The following RAMAC variants were observed in gnomAD, a reference collection of about 807,000 sequenced individuals.
The protein encoded by RAMAC is RNA guanine-N7 methyltransferase activating subunit.
RAMAC carries 11 observed loss-of-function variants against 17.9 expected under a neutral mutation model. That is an observed-to-expected ratio of 0.61 (90% CI 0.39 to 1.02). The LOEUF (loss-of-function observed/expected upper bound fraction) is 1.02. RAMAC is among the 50% of genes least tolerant of loss of function. The probability of loss-of-function intolerance (pLI) is 0.01; values close to 1 mark genes in which losing one functional copy is unlikely to be tolerated. For synonymous variants in RAMAC, 27 were observed against 48.4 expected (o/e 0.56, Z 1.84); for missense variants, 109 against 144.0 (o/e 0.76, Z 1.25).
chr15:82,989,856 G>A (rs774624347), intron 3 of RAMAC, 25 bp from the exon 4 acceptor site: 1 of 1,607,446 alleles, frequency 6.2e-7, no homozygotes, highest in Non-Finnish European at 8.5e-7. Context: ...GAAGTTTAAA[G>A]ATCTTTTTTG....
At chr15:82,986,916 A>C (rs2030640293) in intron 1 of RAMAC, among the ~76,000 whole-genome samples, 1 of 152,044 alleles carries the variant, frequency 6.6e-6, no homozygotes, top group South Asian at 2.1e-4. Context: ...GGAAGTCTTT[A>C]GAGCGTTTTT....
chr15:82,988,809 G>C, intron 2 of RAMAC: 2 of 510,116 alleles, frequency 3.9e-6, no homozygotes, highest in South Asian at 2.1e-5. Context: ...GCTCCAGCCT[G>C]GGTGACAAAG....
chr15:82,990,872 T>C lies in RAMAC; in HGVS notation c.*805T>C, dbSNP rs2151271686. ...TGGTTCTTACTTTTTTGGTATTTAA[T>C]GTGGGCTGATTTTACAATGTTATAT... On this transcript the variant is annotated 3_prime_UTR_variant, in exon 4 of 4. Transcript: ENST00000304191. The C allele has an allele frequency of 4.1e-6, 2 of 482,138 alleles. No homozygotes were observed. Among genetic ancestry groups the C allele is most frequent in the Middle Eastern group, 8.5e-4 (2 of 2,352 alleles). 29.9% of individuals were successfully genotyped at this position (482,138 alleles called of 1,614,324 possible). A position where few individuals can be genotyped will look rare whatever the true frequency, so the allele number is the denominator to read the frequency against.
rs768465912 is a variant in RAMAC, at chr15:82,990,063, A to G, written c.353A>G (p.Tyr118Cys). 30 of 1,373,810 alleles carry G rather than the reference A, an allele frequency of 2.2e-5. No homozygotes were observed. In the South Asian group the frequency reaches 3.6e-4, roughly 16 times the overall value. 85.1% of individuals were successfully genotyped at this position (1,373,810 alleles called of 1,614,324 possible). The change falls in exon 4 of 4, where the codon TAC (tyrosine) becomes TGC (cysteine). Residue 118 changes from tyrosine (Y) to cysteine (C), a missense_variant. By Grantham distance (194) the Tyr-to-Cys change is radical. Transcript: ENST00000304191. ...AACCAGCGGCCTCCTTACGGTTACTACTGATAGAAATGTTGGCAGCTTTTA... is the reference window on the plus strand; with the variant it reads ...AACCAGCGGCCTCCTTACGGTTACTGCTGATAGAAATGTTGGCAGCTTTTA... ...GYNQRPPYGY[Y>C]
chr15:82,989,323 G>C, intron 3 of RAMAC, 135 bp downstream of exon 3: 2 of 680,796 alleles, frequency 2.9e-6, no homozygotes, highest in Non-Finnish European at 4.5e-6. Flanking sequence ...ACAGTACCTG[G>C]TACATCATTT....
At position 82,990,379 on chromosome 15, in the gene RAMAC, A is replaced by G; in HGVS notation, c.*312A>G. On this transcript the variant is annotated 3_prime_UTR_variant, in exon 4 of 4. Coordinates refer to ENST00000304191, the MANE Select transcript of RAMAC (RefSeq NM_031452.4). ...TGTTTTACACAGAAATAAAAATTTT[A>G]AAATAGAAAATGCTTTTACTTTGTA... 1 of 324,494 alleles carries G rather than the reference A, an allele frequency of 3.1e-6. No individual in the cohort carries two copies. Among genetic ancestry groups the G allele is most frequent in the East Asian group, 4.2e-5 (1 of 23,900 alleles). 20.1% of individuals were successfully genotyped at this position (324,494 alleles called of 1,614,324 possible). A position where few individuals can be genotyped will look rare whatever the true frequency, so the allele number is the denominator to read the frequency against.
At position 82,986,238 on chromosome 15, in the gene RAMAC, G is replaced by C; in HGVS notation, c.-190G>C. On this transcript the variant is annotated 5_prime_UTR_variant, in exon 1 of 4. Transcript: ENST00000304191. The stretch of plus-strand genomic sequence containing the variant: ...TGGTTGTCGGATTTTAGAGGAAGGC[G>C]CTCGGTTACATTGGAGAACTGGAGT... 1 of 334,808 alleles carries C rather than the reference G, an allele frequency of 3.0e-6. No homozygotes were observed. Among genetic ancestry groups the C allele is most frequent in the Non-Finnish European group, 4.2e-6 (1 of 235,302 alleles). 20.7% of individuals were successfully genotyped at this position (334,808 alleles called of 1,614,324 possible).
chr15:82,988,481 A>G (rs1224410230), intron 2 of RAMAC: 2 of 201,358 alleles, frequency 9.9e-6, no homozygotes, highest in Non-Finnish European at 2.1e-5. Flanking sequence ...AGAAGTTATC[A>G]CAATAGCTTC....
At chr15:82,989,246 T>A in intron 3 of RAMAC, 58 bp downstream of exon 3, 2 of 1,569,954 alleles carry the variant, frequency 1.3e-6, no homozygotes, top group South Asian at 2.4e-5. Flanking sequence ...AGCTTTAATC[T>A]GCTAGACTGG....
At chr15:82,986,742 T>C (rs938129869) in intron 1 of RAMAC, among the ~76,000 whole-genome samples, 1 of 152,180 alleles carries the variant, frequency 6.6e-6, no homozygotes, top group African/African-American at 2.4e-5. Flanking sequence ...GTGAATAAAT[T>C]AGCAGTATTC....
chr15:82,990,559 CA>C lies in RAMAC; in HGVS notation c.*493del, dbSNP rs2030811269. On this transcript the variant is annotated 3_prime_UTR_variant, in exon 4 of 4. Transcript: ENST00000304191. ...AAACAATTGCTTTTTTTTTTTTTTG[CA>C]TTTGTTAAGTGACTATGGTACTTTG... 2 of 651,662 alleles carry C rather than the reference CA, an allele frequency of 3.1e-6. No individual in the cohort carries two copies. The highest frequency in any genetic ancestry group is 2.2e-6 in the Non-Finnish European group (1 of 452,296). The allele number at this position is 651,662 out of a possible 1,614,324, so 40.4% of individuals were successfully genotyped here.
rs1218779088 is a variant in RAMAC at position 82,990,719 on chromosome 15, G to A, written c.*652G>A. Reference sequence around the variant, plus strand: ...TGATCTGGTGGTGGTTGGGATAAGGGTACACATCATTTTATACAAACACTA... The same window carrying A: ...TGATCTGGTGGTGGTTGGGATAAGGATACACATCATTTTATACAAACACTA... On this transcript the variant is annotated 3_prime_UTR_variant, in exon 4 of 4. Coordinates refer to ENST00000304191, the MANE Select transcript of RAMAC (RefSeq NM_031452.4). The A allele has an allele frequency of 2.3e-6, 3 of 1,330,704 alleles. No individual in the cohort carries two copies. The allele number at this position is 1,330,704 out of a possible 1,614,324, so 82.4% of individuals were successfully genotyped here. A position where few individuals can be genotyped will look rare whatever the true frequency, so the allele number is the denominator to read the frequency against.
intron 2 of RAMAC, among the ~76,000 whole-genome samples, chr15:82,988,035 C>CAAAA (rs1293418063): frequency 1.5e-4 from 8 of 55,040 alleles, no homozygotes; most frequent in African/African-American, 4.9e-4. Flanking sequence ...AACTCCGTCT[C>CAAAA]AAAAAAAAAA....
At chr15:82,989,749 C>T in intron 3 of RAMAC, 132 bp from the exon 4 acceptor site, 1 of 1,159,006 alleles carries the variant, frequency 8.6e-7, no homozygotes, top group Non-Finnish European at 1.2e-6. Flanking sequence ...CTATAACATT[C>T]TATTGTGAAA....
At chr15:82,989,734 T>C in intron 3 of RAMAC, 147 bp from the exon 4 acceptor site, 2 of 1,024,400 alleles carry the variant, frequency 2.0e-6, no homozygotes, top group Non-Finnish European at 1.4e-6. Context: ...TTTGAATAAC[T>C]GGCACTATAA....
rs1380637671 is a variant in RAMAC at position 82,990,681 on chromosome 15, T to C, written c.*614T>C. On this transcript the variant is annotated 3_prime_UTR_variant, in exon 4 of 4. Coordinates refer to ENST00000304191, the MANE Select transcript of RAMAC (RefSeq NM_031452.4). ...CTGTAAAATAAGGAAGGAATCATTG[T>C]CAGTTTGTGTCTTGATCTGGTGGTG... 2 of 1,515,692 alleles carry C rather than the reference T, an allele frequency of 1.3e-6. No homozygotes were observed. The highest frequency in any genetic ancestry group is 1.8e-6 in the Non-Finnish European group (2 of 1,114,702). 93.9% of individuals were successfully genotyped at this position (1,515,692 alleles called of 1,614,324 possible).
intron 1 of RAMAC, 32 bp from the exon 2 acceptor site, chr15:82,987,300 TTAAA>T (rs2030658476): frequency 6.6e-6 from 1 of 152,242 alleles, no homozygotes; most frequent in African/African-American, 2.4e-5. Context: ...GAGAGTTTCC[TTAAA>T]TAAAGTCAAG....
chr15:82,988,688 C>G, intron 2 of RAMAC: 1 of 450,268 alleles, frequency 2.2e-6, no homozygotes. Context: ...CGAAAATTAG[C>G]CGGGTGTGGG....
At chr15:82,988,107 C>T (rs762862125) in intron 2 of RAMAC, among the ~76,000 whole-genome samples, 8 of 149,526 alleles carry the variant, frequency 5.4e-5, no homozygotes, top group Middle Eastern at 3.5e-3. Context: ...GAGGCCAAAG[C>T]GGGCGGATTA....
Sources: allele counts gnomAD v4.1 joint callset (sites outside exome capture counted in the v4.1 genomes callset), GRCh38; gene constraint gnomAD v4.1.1; transcripts MANE v1.5; gene names NCBI Gene and HGNC (gene_info 2026-07-23, HGNC 2026-07-21).